The following LRRC8B variants were observed in gnomAD, a reference collection of about 807,000 sequenced individuals.
LRRC8B encodes volume-regulated anion channel subunit LRRC8B.
A neutral mutation model predicts 58.8 loss-of-function variants in LRRC8B; 23 were observed. The ratio of observed to expected loss-of-function variants is 0.39; its 90% CI spans 0.28 to 0.55. The LOEUF is 0.55. Among genes scored for constraint, LRRC8B ranks in the 20% least tolerant of loss-of-function variants. The pLI is 0.62. For missense variants in LRRC8B, 694 were observed against 936.0 expected (o/e 0.74, Z 3.37); for synonymous variants, 359 against 374.1 (o/e 0.96, Z 0.47).
intron 1 of LRRC8B, among the ~76,000 whole-genome samples, chr1:89,558,455 G>A (rs947015765): frequency 2.0e-5 from 3 of 152,112 alleles, no homozygotes; most frequent in African/African-American, 4.8e-5. Flanking sequence ...CTCTCTGACT[G>A]CAGTATGGAA....
intron 4 of LRRC8B, among the ~76,000 whole-genome samples, chr1:89,581,128 C>G (rs951953824): frequency 6.6e-6 from 1 of 151,992 alleles, no homozygotes; most frequent in Non-Finnish European, 1.5e-5. Flanking sequence ...CATCTCCTGT[C>G]TCTACTAAAA....
In LRRC8B at chr1:89,595,138, CAG is replaced by C. The variant is rs1463495954; in HGVS notation, c.*2096_*2097del. ...ATTGTTTATTCTGAACGGAAAGGAA[CAG>C]TGTAAAAATAAACTACTTACCAAAA... On this transcript the variant is annotated 3_prime_UTR_variant, in exon 6 of 6. Coordinates refer to ENST00000330947, the MANE Select transcript of LRRC8B (RefSeq NM_001369817.2). The C allele has an allele frequency of 1.1e-4, 17 of 152,228 alleles. No individual in the cohort carries two copies. The East Asian group carries it at 2.9e-3, about 26-fold the overall frequency. The allele number at this position is 152,228 out of a possible 1,614,324, so 9.4% of individuals were successfully genotyped here.
chr1:89,592,707 T>C (rs1655061365), intron 5 of LRRC8B, 64 bp from the exon 6 acceptor site: 3 of 1,291,886 alleles, frequency 2.3e-6, no homozygotes, highest in African/African-American at 1.5e-5. Flanking sequence ...GGAAAAAAGG[T>C]AAATGTCTTA....
At chr1:89,534,310 T>A (rs1650360594) in intron 1 of LRRC8B, among the ~76,000 whole-genome samples, 1 of 152,228 alleles carries the variant, frequency 6.6e-6, no homozygotes, top group African/African-American at 2.4e-5. Context: ...ATGTACCCAA[T>A]GGAAGTTAAA....
At position 89,525,486 on chromosome 1, in the gene LRRC8B, GTTGGGAACTATTTTATGCTC is replaced by G. The variant is rs893351583; in HGVS notation, c.-241+484_-241+503del. Among the ~76,000 whole-genome samples, 19 of 152,358 alleles carry G rather than the reference GTTGGGAACTATTTTATGCTC, an allele frequency of 1.2e-4. No homozygotes were observed. In the South Asian group the frequency reaches 1.9e-3, roughly 15 times the overall value. On this transcript the variant is annotated intron_variant, in intron 1 of 5. Transcript: ENST00000330947. The stretch of plus-strand genomic sequence containing the variant: ...CTGTTTTGCCCCCTGCGCTGGCGCT[GTTGGGAACTATTTTATGCTC>G]TTGGGAACTATTTTATGCTGTTGGA...
intron 1 of LRRC8B, among the ~76,000 whole-genome samples, chr1:89,545,893 T>C (rs1202174912): frequency 6.6e-6 from 1 of 152,204 alleles, no homozygotes; most frequent in Non-Finnish European, 1.5e-5. Flanking sequence ...TAGGAAAGAA[T>C]GTATGCAGTA....
At chr1:89,547,563 C>T (rs1227655132) in intron 1 of LRRC8B, among the ~76,000 whole-genome samples, 1 of 152,218 alleles carries the variant, frequency 6.6e-6, no homozygotes, top group Non-Finnish European at 1.5e-5. Context: ...ACATAGATAG[C>T]AATCCAGTCT....
chr1:89,595,093 A>T lies in LRRC8B; in HGVS notation c.*2050A>T, dbSNP rs150956863. On this transcript the variant is annotated 3_prime_UTR_variant, in exon 6 of 6. Transcript: ENST00000330947. Reference sequence around the variant, plus strand: ...TAGCTATCAGGAATATAGGACACCAAACACACTGCCTCACACATTATTGTT... The same window carrying T: ...TAGCTATCAGGAATATAGGACACCATACACACTGCCTCACACATTATTGTT... 98 of 152,318 alleles carry T rather than the reference A, an allele frequency of 6.4e-4. No individual in the cohort carries two copies. Among genetic ancestry groups the T allele is most frequent in the African/African-American group, 2.3e-3 (97 of 41,558 alleles). The allele number at this position is 152,318 out of a possible 1,614,324, so 9.4% of individuals were successfully genotyped here.
intron 1 of LRRC8B, among the ~76,000 whole-genome samples, chr1:89,556,564 A>G (rs191071324): frequency 2.7e-4 from 41 of 152,126 alleles, no homozygotes; most frequent in Admixed American, 2.2e-3. Context: ...GTCTGATGCT[A>G]ACTCTGAGTA....
At position 89,583,224 on chromosome 1, in the gene LRRC8B, T is replaced by G; in HGVS notation, c.574T>G (p.Ser192Ala). 1 of 1,614,154 alleles carries G rather than the reference T, an allele frequency of 6.2e-7. No homozygotes were observed. ...KLSKSKILLS[S>A]SGCSADIDSG... ...CTCCAAGTCCAAGATTTTGCTTTCG[T>G]CCTCAGGGTGTTCAGCTGACATAGA... The change falls in exon 5 of 6, where the codon TCC (serine) becomes GCC (alanine). Residue 192 changes from serine (S) to alanine (A), a missense_variant. Coordinates refer to ENST00000330947, the MANE Select transcript of LRRC8B (RefSeq NM_001369817.2). This position sits in a 1 kb window ranked among gnomAD's most constrained non-coding sequence, Gnocchi z 5.2.
At chr1:89,589,763 G>T (rs1654861012) in intron 5 of LRRC8B, among the ~76,000 whole-genome samples, 1 of 141,510 alleles carries the variant, frequency 7.1e-6, no homozygotes, top group Non-Finnish European at 1.5e-5. Flanking sequence ...ATGTGTCAGT[G>T]GCCAGAAAAA....
At chr1:89,590,337 A>T (rs1326908153) in intron 5 of LRRC8B, among the ~76,000 whole-genome samples, 1 of 152,252 alleles carries the variant, frequency 6.6e-6, no homozygotes, top group Non-Finnish European at 1.5e-5. Context: ...AAATTGCTGA[A>T]TTGAAGGAAA....
At chr1:89,550,240 G>A (rs1651701377) in intron 1 of LRRC8B, among the ~76,000 whole-genome samples, 1 of 152,238 alleles carries the variant, frequency 6.6e-6, no homozygotes, top group South Asian at 2.1e-4. Flanking sequence ...GCACATCTTA[G>A]TTCAAGCCAC....
At chr1:89,539,436 A>G (rs1337314862) in intron 1 of LRRC8B, among the ~76,000 whole-genome samples, 2 of 152,192 alleles carry the variant, frequency 1.3e-5, no homozygotes, top group Non-Finnish European at 2.9e-5. Flanking sequence ...TTCACTGATG[A>G]TAGAACTGGA....
rs1655099137 is a variant in LRRC8B at position 89,593,138 on chromosome 1, G to T, written c.*95G>T. The T allele has an allele frequency of 1.6e-6, 2 of 1,249,394 alleles. No individual in the cohort carries two copies. Among genetic ancestry groups the T allele is most frequent in the Admixed American group, 2.1e-5 (1 of 48,710 alleles). The allele number at this position is 1,249,394 out of a possible 1,614,324, so 77.4% of individuals were successfully genotyped here. On this transcript the variant is annotated 3_prime_UTR_variant, in exon 6 of 6. Coordinates refer to ENST00000330947, the MANE Select transcript of LRRC8B (RefSeq NM_001369817.2). ...GCCTATAATCCCAGCACTTTGGGAG[G>T]CCAAGATGGGCGGATTGCTTGAGGT...
In LRRC8B at chr1:89,595,849, GT is replaced by G. The variant is rs1655259323; in HGVS notation, c.*2809del. ...GAGAATTTTAAATGAAGAAAATTAA[GT>G]TTGTTAAATTATAATTATGAGACTT... On this transcript the variant is annotated 3_prime_UTR_variant, in exon 6 of 6. Coordinates refer to ENST00000330947, the MANE Select transcript of LRRC8B (RefSeq NM_001369817.2). The G allele has an allele frequency of 2.0e-5, 3 of 152,032 alleles. No homozygotes were observed. Among genetic ancestry groups the G allele is most frequent in the African/African-American group, 7.2e-5 (3 of 41,412 alleles). The allele number at this position is 152,032 out of a possible 1,614,324, so 9.4% of individuals were successfully genotyped here.
chr1:89,584,904 G>T, intron 5 of LRRC8B, 115 bp downstream of exon 5: 1 of 697,038 alleles, frequency 1.4e-6, no homozygotes, highest in Non-Finnish European at 2.3e-6. Context: ...AGCCCAATCC[G>T]ATCTTGCATA....
In LRRC8B at chr1:89,592,805, A is replaced by G; in HGVS notation, c.2174A>G (p.Lys725Arg). ...EMLPDGLFQCKKLQCLLLGKN... is the reference protein window; with the variant it reads ...EMLPDGLFQCRKLQCLLLGKN... ...CTACCAGATGGGCTGTTTCAGTGCA[A>G]AAAGCTGCAGTGTTTACTTTTGGGG... The change falls in exon 6 of 6, where the codon AAA (lysine) becomes AGA (arginine). Residue 725 changes from lysine (K) to arginine (R), a missense_variant. Around this residue, in one of 5 missense-constraint regions of LRRC8B, gnomAD observed 139 missense variants for 158.2 expected, o/e 0.88. Transcript: ENST00000330947. The G allele has an allele frequency of 6.2e-7, 1 of 1,614,090 alleles. No individual in the cohort carries two copies. Among genetic ancestry groups the G allele is most frequent in the Non-Finnish European group, 8.5e-7 (1 of 1,180,014 alleles).
Position 89,584,487 on chromosome 1 carries a change from T to C in LRRC8B, c.1837T>C (p.Leu613=), listed in dbSNP as rs1212701327. ...SIFSLNNLHE[L]DLRENNLKTV... ...TTTCAGCCTGAATAATTTGCATGAG[T>C]TAGACCTAAGGGAAAATAACCTTAA... Residue 613 remains leucine, a synonymous_variant, in exon 5 of 6, where the codon TTA becomes CTA. Coordinates refer to ENST00000330947, the MANE Select transcript of LRRC8B (RefSeq NM_001369817.2). The C allele has an allele frequency of 1.2e-6, 2 of 1,614,152 alleles. No individual in the cohort carries two copies. The highest frequency in any genetic ancestry group is 1.7e-6 in the Non-Finnish European group (2 of 1,180,028).
Sources: allele counts gnomAD v4.1 joint callset (sites outside exome capture counted in the v4.1 genomes callset), GRCh38; gene constraint gnomAD v4.1.1; regional missense constraint gnomAD v4.1.1; non-coding constraint Gnocchi (gnomAD v3.1); transcripts MANE v1.5; gene names NCBI Gene and HGNC (gene_info 2026-07-23, HGNC 2026-07-21).